EVC2: variants seen among roughly 807,000 people sequenced by gnomAD.
EVC2 encodes limbin.
In EVC2, 148 loss-of-function variants were observed where a neutral mutation model predicts 149.3. The ratio of observed to expected loss-of-function variants is 0.99; its 90% confidence interval spans 0.87 to 1.14. EVC2 has a LOEUF of 1.14. Ranked by LOEUF, EVC2 falls within the 50% of genes most tolerant of loss-of-function variation. The pLI is 0.00. For synonymous variants in EVC2, 776 were observed against 649.9 expected (o/e 1.19, Z -2.95); for missense variants, 1,854 against 1,627.3 (o/e 1.14, Z -2.40).
intron 7 of EVC2, 135 bp from the exon 8 acceptor site, chr4:5,665,784 GCTACCAGCT>G: frequency 7.2e-7 from 1 of 1,396,786 alleles, no homozygotes; most frequent in Non-Finnish European, 9.9e-7. Flanking sequence ...CGCTCTGCCA[GCTACCAGCT>G]GGCTGCCTGG....
intron 6 of EVC2, among the ~76,000 whole-genome samples, chr4:5,682,519 A>AT (rs1432166578): frequency 1.3e-5 from 2 of 150,550 alleles, no homozygotes; most frequent in Non-Finnish European, 3.0e-5. Context: ...TAATAATAAA[A>AT]TTTTTTAAAA....
At chr4:5,542,575 T>C (rs1721534152), downstream of EVC2, among the ~76,000 whole-genome samples, 1 of 152,236 alleles carries the variant, frequency 6.6e-6, no homozygotes, top group Non-Finnish European at 1.5e-5. Context: ...TGCAGGTTCA[T>C]GGAGTAGACT....
At chr4:5,587,616 G>A (rs999586265) in intron 16 of EVC2, among the ~76,000 whole-genome samples, 26 of 152,160 alleles carry the variant, frequency 1.7e-4, no homozygotes, top group African/African-American at 3.9e-4. Flanking sequence ...CTCAGACACC[G>A]AGTTAAAGAA....
At chr4:5,590,222 G>C (rs1414534083) in intron 16 of EVC2, among the ~76,000 whole-genome samples, 1 of 152,170 alleles carries the variant, frequency 6.6e-6, no homozygotes, top group Non-Finnish European at 1.5e-5. Context: ...CAAGAAGGCA[G>C]AGCTTCCCCT....
At position 5,681,286 on chromosome 4, in the gene EVC2, A is replaced by C. The variant is rs1459416733; in HGVS notation, c.844T>G (p.Ser282Ala). ...GTTACGTTTTCTTCTGCTGTTATGG[A>C]AAAAAGCACTTTCAGCTGTGTTCTG... is the stretch of plus-strand genomic sequence containing the variant. ...RNRTQLKVLF[S>A]ITAEENVTVL... Residue 282 changes from serine (S) to alanine (A), a missense_variant, in exon 7 of 22, where the codon TCC (serine) becomes GCC (alanine). By Grantham distance (99) the Ser-to-Ala change is moderately conservative. Coordinates refer to ENST00000344408, the MANE Select transcript of EVC2 (RefSeq NM_147127.5). The C allele has an allele frequency of 6.2e-7, 1 of 1,614,078 alleles. No homozygotes were observed. Among genetic ancestry groups the C allele is most frequent in the Non-Finnish European group, 8.5e-7 (1 of 1,180,046 alleles).
intron 21 of EVC2, among the ~76,000 whole-genome samples, chr4:5,563,601 A>G (rs1722086368): frequency 6.6e-6 from 1 of 152,124 alleles, no homozygotes; most frequent in Non-Finnish European, 1.5e-5. Flanking sequence ...CGGCCTCTCA[A>G]AGTGCTGGGA....
chr4:5,543,378 A>C (rs1220325028), intron 21 of EVC2, among the ~76,000 whole-genome samples: 1 of 152,204 alleles, frequency 6.6e-6, no homozygotes, highest in African/African-American at 2.4e-5. Flanking sequence ...TGACTTCCAA[A>C]ATAAGCTCTT....
Position 5,637,208 on chromosome 4 carries a change from CTT to C in EVC2, c.1470+3304_1470+3305del, listed in dbSNP as rs908986191. 6.6e-6 allele frequency among the ~76,000 whole-genome samples: 1 copy of C among 152,212 alleles called. No individual in the cohort carries two copies. The highest frequency in any genetic ancestry group is 1.5e-5 in the Non-Finnish European group (1 of 68,048). On this transcript the variant is annotated intron_variant, in intron 10 of 21. Coordinates refer to ENST00000344408, the MANE Select transcript of EVC2 (RefSeq NM_147127.5). The surrounding 1 kb of genome is among the most constrained non-coding windows in gnomAD (Gnocchi z 4.4). ...ATAAAAAAGCATTGCCCCAGGCAGT[CTT>C]TTGATAGCAAAGCCACTAGAAACAT...
At chr4:5,574,509 G>A (rs1722803776) in intron 19 of EVC2, among the ~76,000 whole-genome samples, 176 bp downstream of exon 19, 1 of 152,246 alleles carries the variant, frequency 6.6e-6, no homozygotes, top group African/African-American at 2.4e-5. Context: ...CATTAGCACT[G>A]ATTGAGCACC....
intron 2 of EVC2, among the ~76,000 whole-genome samples, chr4:5,695,928 A>C (rs80266103): frequency 2.6e-5 from 4 of 152,170 alleles, no homozygotes; most frequent in Non-Finnish European, 5.9e-5. Context: ...ATTAAATTAC[A>C]GTATTTTTTT....
rs896589223 is a variant in EVC2 at position 5,614,196 on chromosome 4, T to G, written c.2829+1226A>C. Among the ~76,000 whole-genome samples the G allele has an allele frequency of 2.0e-5, 3 of 152,138 alleles. No homozygotes were observed. The highest frequency in any genetic ancestry group is 4.4e-5 in the Non-Finnish European group (3 of 68,024). On this transcript the variant is annotated intron_variant, in intron 16 of 21. Coordinates refer to ENST00000344408, the MANE Select transcript of EVC2 (RefSeq NM_147127.5). The surrounding 1 kb of genome is among the most constrained non-coding windows in gnomAD (Gnocchi z 4.7). The stretch of plus-strand genomic sequence containing the variant: ...ACCCTGCCTCCTCTCCTACCTACAG[T>G]CCACCCTGCTGCCAGCCTACTTCAC...
At chr4:5,623,399 G>A (rs962361494) in intron 13 of EVC2, among the ~76,000 whole-genome samples, 10 of 151,888 alleles carry the variant, frequency 6.6e-5, no homozygotes, top group African/African-American at 2.4e-4. Flanking sequence ...GAGTGCAGTG[G>A]CACTATCTTG....
intron 21 of EVC2, among the ~76,000 whole-genome samples, chr4:5,545,207 C>T (rs1168777992): frequency 1.3e-5 from 2 of 152,160 alleles, no homozygotes; most frequent in Non-Finnish European, 2.9e-5. Context: ...ATTCATTCAT[C>T]CATTGAACAA....
At chr4:5,537,702 G>A in the EVC2 span, among the ~76,000 whole-genome samples, 4 of 152,272 alleles carry the variant, frequency 2.6e-5, no homozygotes, top group African/African-American at 7.2e-5. Flanking sequence ...TAAAGAAGCA[G>A]GAAATGTGGT....
At chr4:5,581,036 C>T (rs1278026806) in intron 17 of EVC2, among the ~76,000 whole-genome samples, 1 of 152,198 alleles carries the variant, frequency 6.6e-6, no homozygotes, top group African/African-American at 2.4e-5. Flanking sequence ...TGCCTTCTGC[C>T]ATAATTGTAA....
At chr4:5,580,133 C>T (rs984082206) in intron 17 of EVC2, among the ~76,000 whole-genome samples, 1 of 152,112 alleles carries the variant, frequency 6.6e-6, no homozygotes, top group South Asian at 2.1e-4. Flanking sequence ...CTATTTCATG[C>T]TTTTTTAATT....
chr4:5,569,578 G>C lies in EVC2; in HGVS notation c.3361-938C>G, dbSNP rs1722524027. Among the ~76,000 whole-genome samples the C allele has an allele frequency of 6.6e-6, 1 of 152,084 alleles. No homozygotes were observed. Among genetic ancestry groups the C allele is most frequent in the Admixed American group, 6.5e-5 (1 of 15,290 alleles). Reference sequence around the variant, plus strand: ...CAGCTGGAGAGGAAAAGAGGCCCCAGGACAGAGCTATTGGGTGCCCAAAGG... The same window carrying C: ...CAGCTGGAGAGGAAAAGAGGCCCCACGACAGAGCTATTGGGTGCCCAAAGG... On this transcript the variant is annotated intron_variant, in intron 19 of 21. Transcript: ENST00000344408. This position sits in a 1 kb window ranked among gnomAD's most constrained non-coding sequence, Gnocchi z 4.8.
intron 15 of EVC2, among the ~76,000 whole-genome samples, chr4:5,615,899 G>A (rs1412903682): frequency 6.6e-6 from 1 of 152,234 alleles, no homozygotes; most frequent in Non-Finnish European, 1.5e-5. Flanking sequence ...CTATGAATGA[G>A]GTCCCTGTTC....
At chr4:5,699,580 C>T (rs892946489) in intron 1 of EVC2, among the ~76,000 whole-genome samples, 1 of 143,042 alleles carries the variant, frequency 7.0e-6, no homozygotes, top group African/African-American at 2.6e-5. Context: ...AAATGCGGTC[C>T]ATCCATAAAA....
Sources: gnomAD v4.1 joint callset for allele counts (sites outside exome capture counted in the v4.1 genomes callset) on GRCh38, gnomAD v4.1.1 for gene constraint, Gnocchi (gnomAD v3.1) non-coding constraint, MANE v1.5 for transcripts, NCBI Gene and HGNC (gene_info 2026-07-23, HGNC 2026-07-21) for gene names.